RBM47: variants seen among roughly 807,000 people sequenced by gnomAD.
The protein encoded by RBM47 is RNA binding motif protein 47, also known as RNA-binding protein 47.
In RBM47, 21 loss-of-function variants were observed where a neutral mutation model predicts 47.1. The ratio of observed to expected loss-of-function variants is 0.45; its 90% CI spans 0.32 to 0.64. The LOEUF is 0.64. Ranked by LOEUF, RBM47 falls within the 30% of genes least tolerant of loss-of-function variation. RBM47 has a pLI of 0.05. For missense variants in RBM47, 708 were observed against 870.9 expected (o/e 0.81, Z 2.35); for synonymous variants, 375 against 361.7 (o/e 1.04, Z -0.42).
chr4:40,493,474 A>C (rs1722171950), intron 2 of RBM47, among the ~76,000 whole-genome samples: 2 of 152,160 alleles, frequency 1.3e-5, no homozygotes, highest in Admixed American at 1.3e-4. Context: ...GAGCCCTAGG[A>C]ATGCAGAAAA....
chr4:40,533,438 GAA>G (rs1299731307), intron 2 of RBM47, among the ~76,000 whole-genome samples: 12 of 62,122 alleles, frequency 1.9e-4, no homozygotes, highest in Admixed American at 7.6e-4. Flanking sequence ...TGTCTCAAAA[GAA>G]AAAAAAAAAA....
At chr4:40,503,443 C>T (rs1308280305) in intron 2 of RBM47, among the ~76,000 whole-genome samples, 1 of 152,110 alleles carries the variant, frequency 6.6e-6, no homozygotes, top group Admixed American at 6.6e-5. Context: ...CAGTCCTGGA[C>T]GTTCTGAAAA....
intron 1 of RBM47, among the ~76,000 whole-genome samples, chr4:40,576,777 T>C (rs981030668): frequency 1.3e-5 from 2 of 152,182 alleles, no homozygotes; most frequent in African/African-American, 4.8e-5. Context: ...ACTTTCTAGA[T>C]ACTTTAAATT....
intron 4 of RBM47, chr4:40,436,940 C>G (rs775939135): frequency 1.5e-5 from 7 of 474,616 alleles, no homozygotes; most frequent in East Asian, 5.4e-5. Context: ...CCCTCCCCCC[C>G]GCCAAAAAAA....
chr4:40,442,033 C>T (rs1713733148), intron 3 of RBM47, among the ~76,000 whole-genome samples: 1 of 152,122 alleles, frequency 6.6e-6, no homozygotes, highest in Non-Finnish European at 1.5e-5. Context: ...GACATTACAA[C>T]ACACTTTCAT....
Position 40,454,939 on chromosome 4 carries a change from C to T in RBM47, c.-32+11638G>A, listed in dbSNP as rs190633755. On this transcript the variant is annotated intron_variant, in intron 3 of 6. Coordinates refer to ENST00000295971, the MANE Select transcript of RBM47 (RefSeq NM_001098634.2). ...TTCTTTGCTACTTACTTACTTACAG[C>T]AGGTTTAGCAATAGCCAGTGTTAAC... Among the ~76,000 whole-genome samples, 317 of 152,320 alleles carry T rather than the reference C, an allele frequency of 2.1e-3. 1 individual carries two copies. The highest frequency in any genetic ancestry group is 3.5e-3 in the Non-Finnish European group (238 of 68,038).
intron 2 of RBM47, among the ~76,000 whole-genome samples, chr4:40,489,056 C>G (rs278983): frequency 1.3e-5 from 2 of 152,146 alleles, no homozygotes; most frequent in Non-Finnish European, 2.9e-5. Context: ...ATGGACTGCA[C>G]CATAATGAAA....
chr4:40,618,077 C>CA (rs1207698363), intron 1 of RBM47, among the ~76,000 whole-genome samples: 1 of 151,506 alleles, frequency 6.6e-6, no homozygotes, highest in Non-Finnish European at 1.5e-5. Flanking sequence ...CCTGTCTCTA[C>CA]AAAAAATACA....
intron 2 of RBM47, among the ~76,000 whole-genome samples, chr4:40,497,544 AG>A (rs1722772043): frequency 6.6e-6 from 1 of 152,106 alleles, no homozygotes; most frequent in Non-Finnish European, 1.5e-5. Context: ...GCTTGAGTCC[AG>A]GAAGTCAAGG....
chr4:40,564,517 AAGGAATACAT>A (rs1358609419), intron 1 of RBM47, among the ~76,000 whole-genome samples: 1 of 152,222 alleles, frequency 6.6e-6, no homozygotes, highest in Non-Finnish European at 1.5e-5. Flanking sequence ...AGCCTATCCT[AAGGAATACAT>A]GGGGAATCTC....
chr4:40,582,488 T>C (rs556608594), intron 1 of RBM47, among the ~76,000 whole-genome samples: 1 of 152,158 alleles, frequency 6.6e-6, no homozygotes, highest in African/African-American at 2.4e-5. Context: ...GAGCCGAGAT[T>C]ATGCCACTGT....
chr4:40,466,012 A>G (rs1037596087), intron 3 of RBM47, among the ~76,000 whole-genome samples: 2 of 152,154 alleles, frequency 1.3e-5, no homozygotes, highest in African/African-American at 4.8e-5. Context: ...CATGTCCGTA[A>G]TCCCAGGACT....
intron 3 of RBM47, among the ~76,000 whole-genome samples, chr4:40,457,862 C>T (rs1254978295): frequency 1.3e-5 from 2 of 152,146 alleles, no homozygotes; most frequent in African/African-American, 4.8e-5. Flanking sequence ...GTGTGCTGTC[C>T]TAGCACTTTG....
intron 2 of RBM47, among the ~76,000 whole-genome samples, chr4:40,486,888 G>A (rs1721165732): frequency 6.6e-6 from 1 of 152,184 alleles, no homozygotes; most frequent in African/African-American, 2.4e-5. Context: ...TTGGTAATGT[G>A]CAAACATTTT....
At chr4:40,469,599 A>C (rs1718550940) in intron 2 of RBM47, among the ~76,000 whole-genome samples, 1 of 151,520 alleles carries the variant, frequency 6.6e-6, no homozygotes, top group Non-Finnish European at 1.5e-5. Flanking sequence ...ATGCCTGGCT[A>C]ATTTTGGGAG....
At chr4:40,433,594 T>C (rs1711725220) in intron 5 of RBM47, among the ~76,000 whole-genome samples, 1 of 152,172 alleles carries the variant, frequency 6.6e-6, no homozygotes, top group Admixed American at 6.5e-5. Context: ...GGCCTGCCTG[T>C]TCCTTCCTAC....
intron 1 of RBM47, among the ~76,000 whole-genome samples, chr4:40,588,864 C>T (rs1471888648): frequency 6.6e-6 from 1 of 151,842 alleles, no homozygotes; most frequent in Non-Finnish European, 1.5e-5. Context: ...TCGTGGCCGA[C>T]GTGTTTGCTG....
At chr4:40,442,388 C>T (rs139862778) in intron 3 of RBM47, among the ~76,000 whole-genome samples, 4 of 152,162 alleles carry the variant, frequency 2.6e-5, no homozygotes, top group South Asian at 2.1e-4. Flanking sequence ...TTGGCAAGGA[C>T]GTGGAGAAAT....
At chr4:40,596,806 AAG>A (rs967587082) in intron 1 of RBM47, among the ~76,000 whole-genome samples, 4 of 151,960 alleles carry the variant, frequency 2.6e-5, no homozygotes, top group Admixed American at 1.3e-4. Flanking sequence ...CACCCCTGAG[AAG>A]AGAGAGAGAG....
Sources: allele counts gnomAD v4.1 joint callset (sites outside exome capture counted in the v4.1 genomes callset), GRCh38; gene constraint gnomAD v4.1.1; transcripts MANE v1.5; gene names NCBI Gene and HGNC (gene_info 2026-07-23, HGNC 2026-07-21).